Variants in ART3 observed in about 807,000 individuals in gnomAD.
ART3 encodes ecto-ADP-ribosyltransferase 3.
A neutral mutation model predicts 48.5 loss-of-function variants in ART3; 49 were observed. The observed-to-expected ratio is 1.01, with a 90% CI of 0.80 to 1.28. The LOEUF (loss-of-function observed/expected upper bound fraction) is 1.28, where lower values mean the gene tolerates loss of function less well. Among genes scored for constraint, ART3 ranks in the 50% most tolerant of loss-of-function variants. The pLI, the probability that ART3 is intolerant of heterozygous loss-of-function variation, is 0.00. For synonymous variants in ART3, 145 were observed against 157.2 expected, an observed-to-expected ratio of 0.92 and a Z score of 0.58; for missense variants, 438 against 454.3, an observed-to-expected ratio of 0.96 and a Z score of 0.33.
intron 1 of ART3, among the ~76,000 whole-genome samples, chr4:76,029,665 T>C (rs562605802): frequency 2.4e-4 from 35 of 147,968 alleles, no homozygotes; most frequent in African/African-American, 8.8e-4. Flanking sequence ...TGAAAATCTT[T>C]TCAGAAATAG....
At chr4:76,110,002 A>G (rs774956381) in intron 11 of ART3, among the ~76,000 whole-genome samples, 1 of 152,266 alleles carries the variant, frequency 6.6e-6, no homozygotes, top group Non-Finnish European at 1.5e-5. Context: ...AGTTTAGGTC[A>G]GCATGAAACA....
intron 3 of ART3, among the ~76,000 whole-genome samples, chr4:76,087,725 C>G (rs1268169113): frequency 2.0e-5 from 3 of 152,172 alleles, no homozygotes; most frequent in African/African-American, 7.2e-5. Context: ...ATATCAACAT[C>G]TCTTTAGATA....
chr4:76,037,983 T>G (rs1193520815), intron 1 of ART3, among the ~76,000 whole-genome samples: 1 of 152,228 alleles, frequency 6.6e-6, no homozygotes, highest in Admixed American at 6.5e-5. Flanking sequence ...ATTTAAATTC[T>G]TTAACAACCA....
At chr4:76,109,870 T>C (rs1415528819) in intron 11 of ART3, among the ~76,000 whole-genome samples, 1 of 152,226 alleles carries the variant, frequency 6.6e-6, no homozygotes, top group Non-Finnish European at 1.5e-5. Context: ...GCAAGTACAT[T>C]GATAATATGA....
intron 1 of ART3, among the ~76,000 whole-genome samples, chr4:76,024,556 A>C (rs1398166150): frequency 6.6e-6 from 1 of 152,224 alleles, no homozygotes; most frequent in African/African-American, 2.4e-5. Flanking sequence ...TAGAAAGCAC[A>C]TGATACTCAT....
At chr4:76,051,821 C>T (rs1178645381) in intron 1 of ART3, among the ~76,000 whole-genome samples, 1 of 151,338 alleles carries the variant, frequency 6.6e-6, no homozygotes, top group Non-Finnish European at 1.5e-5. Context: ...GGATTACTGG[C>T]ATAAGCCACT....
At position 76,032,832 on chromosome 4, in the gene ART3, C is replaced by A. The variant is rs140503794; in HGVS notation, c.-10+21512C>A. On this transcript the variant is annotated intron_variant, in intron 1 of 9. Coordinates refer to the ART3 transcript ENST00000341029. ...AACTCCTGACCTCAGGTGATCCGCCCGCTTCGGCCTCCCAAAGTGCTGGGA... is the reference window on the plus strand; with the variant it reads ...AACTCCTGACCTCAGGTGATCCGCCAGCTTCGGCCTCCCAAAGTGCTGGGA... Among the ~76,000 whole-genome samples, 1,317 of 151,790 alleles carry A rather than the reference C, an allele frequency of 8.7e-3. 8 individuals carry two copies. Among genetic ancestry groups the A allele is most frequent in the Middle Eastern group, 0.027 (8 of 294 alleles).
intron 5 of ART3, among the ~76,000 whole-genome samples, chr4:76,100,063 T>C (rs947549201): frequency 6.6e-6 from 1 of 152,214 alleles, no homozygotes; most frequent in Non-Finnish European, 1.5e-5. Flanking sequence ...GTAGACAAGC[T>C]ATTTGTAATG....
intron 1 of ART3, among the ~76,000 whole-genome samples, chr4:76,042,031 C>A (rs937813527): frequency 1.3e-5 from 2 of 152,128 alleles, no homozygotes; most frequent in Non-Finnish European, 2.9e-5. Flanking sequence ...CCCAGGTTCA[C>A]CCACTTAAAT....
At chr4:76,079,646 T>C (rs1721991283) in intron 2 of ART3, among the ~76,000 whole-genome samples, 1 of 151,482 alleles carries the variant, frequency 6.6e-6, no homozygotes, top group Admixed American at 6.6e-5. Context: ...TGCAAAAGAG[T>C]CTAAGAAGAA....
chr4:76,089,180 A>G, intron 3 of ART3, among the ~76,000 whole-genome samples: 1 of 152,178 alleles, frequency 6.6e-6, no homozygotes, highest in Non-Finnish European at 1.5e-5. Flanking sequence ...CTGGAATCAG[A>G]TTGTGTACTA....
intron 1 of ART3, chr4:76,033,719 G>GA (rs1400323444): frequency 1.3e-5 from 2 of 151,994 alleles, no homozygotes; most frequent in African/African-American, 4.8e-5. Flanking sequence ...GTTTATTAGA[G>GA]AAAAAAATGA....
At chr4:76,090,426 A>G (rs905396206) in intron 3 of ART3, among the ~76,000 whole-genome samples, 2 of 152,248 alleles carry the variant, frequency 1.3e-5, no homozygotes, top group African/African-American at 4.8e-5. Flanking sequence ...AGTCCTCGTG[A>G]CCTACAAATT....
At chr4:76,038,720 T>C (rs1303839034) in intron 1 of ART3, among the ~76,000 whole-genome samples, 5 of 151,704 alleles carry the variant, frequency 3.3e-5, no homozygotes, top group African/African-American at 1.2e-4. Flanking sequence ...TATTTATTTA[T>C]TTATTTATTT....
At chr4:76,076,981 T>A (rs1721235100) in intron 2 of ART3, among the ~76,000 whole-genome samples, 1 of 152,210 alleles carries the variant, frequency 6.6e-6, no homozygotes, top group South Asian at 2.1e-4. Flanking sequence ...TTCTATAGAA[T>A]CATTGTGTAT....
rs781626901 is a variant in ART3 at position 76,097,666 on chromosome 4, T to G, written c.804T>G (p.Ile268Met). 9 of 1,608,480 alleles carry G rather than the reference T, an allele frequency of 5.6e-6. No homozygotes were observed. The South Asian group carries it at 9.9e-5, about 18-fold the overall frequency. Residue 268 changes from isoleucine to methionine, a missense_variant, in exon 4 of 12, where the codon ATT (isoleucine) becomes ATG (methionine). Around this residue, in one of 3 missense-constraint regions of ART3, gnomAD observed 227 missense variants for 229.6 expected, o/e 0.99. Transcript: ENST00000355810. ...CAGGACTAAAAACCGAAAACTGTATTGAGAACCTAGGTAAGATAGCTTTAA... is the reference window on the plus strand; with the variant it reads ...CAGGACTAAAAACCGAAAACTGTATGGAGAACCTAGGTAAGATAGCTTTAA... ...FLGGLKTENC[I>M]ENLEYFQPIY...
At chr4:76,026,754 A>T (rs112462038) in intron 1 of ART3, among the ~76,000 whole-genome samples, 7 of 152,266 alleles carry the variant, frequency 4.6e-5, no homozygotes, top group African/African-American at 1.7e-4. Flanking sequence ...AAATATCCTC[A>T]GTGCATATCA....
chr4:76,035,807 C>T (rs1734337147), intron 1 of ART3: 1 of 862,252 alleles, frequency 1.2e-6, no homozygotes, highest in Admixed American at 2.4e-5. Context: ...GCTGTAGTAA[C>T]TTCTAATCTG....
chr4:76,089,302 A>G (rs1186580434), intron 3 of ART3, among the ~76,000 whole-genome samples: 2 of 152,090 alleles, frequency 1.3e-5, no homozygotes, highest in Admixed American at 1.3e-4. Flanking sequence ...TCCTACTCAA[A>G]TCTCATGTTC....
Sources: allele counts gnomAD v4.1 joint callset (sites outside exome capture counted in the v4.1 genomes callset), GRCh38; gene constraint gnomAD v4.1.1; regional missense constraint gnomAD v4.1.1; transcripts MANE v1.5; gene names NCBI Gene and HGNC (gene_info 2026-07-23, HGNC 2026-07-21).